Variants in TEAD4 observed in about 807,000 individuals in gnomAD.
TEAD4 encodes the protein TEA domain transcription factor 4.
A neutral mutation model predicts 52.4 loss-of-function variants in TEAD4; 36 were observed. The ratio of observed to expected loss-of-function variants is 0.69; its 90% CI spans 0.53 to 0.91. The LOEUF is 0.91. Ranked by LOEUF, TEAD4 falls within the 40% of genes least tolerant of loss-of-function variation. The probability of loss-of-function intolerance (pLI) is 0.00; values close to 1 mark genes in which losing one functional copy is unlikely to be tolerated. For missense variants in TEAD4, 508 were observed against 583.9 expected, an observed-to-expected ratio of 0.87 and a Z score of 1.34; for synonymous variants, 220 against 231.0, an observed-to-expected ratio of 0.95 and a Z score of 0.43.
intron 2 of TEAD4, among the ~76,000 whole-genome samples, chr12:2,978,365 A>G (rs915228786): frequency 6.9e-6 from 1 of 145,830 alleles, no homozygotes; most frequent in Non-Finnish European, 1.5e-5. Context: ...CCCGTTAAAC[A>G]GTAAGTGCCT....
chr12:2,977,737 G>A (rs1047128304), intron 2 of TEAD4, among the ~76,000 whole-genome samples: 2 of 152,152 alleles, frequency 1.3e-5, no homozygotes, highest in African/African-American at 2.4e-5. Flanking sequence ...AACATGTCCC[G>A]GACTTCACGT....
At chr12:3,015,727 C>T (rs988809862) in intron 5 of TEAD4, among the ~76,000 whole-genome samples, 4 of 152,226 alleles carry the variant, frequency 2.6e-5, no homozygotes, top group African/African-American at 4.8e-5. Flanking sequence ...GCTGTCACAG[C>T]TCACTGCAGC....
At chr12:3,009,355 G>A (rs1027619105) in intron 3 of TEAD4, among the ~76,000 whole-genome samples, 5 of 152,224 alleles carry the variant, frequency 3.3e-5, no homozygotes, top group South Asian at 2.1e-4. Context: ...GCTTGAACCC[G>A]GGAGGCGGAG....
intron 4 of TEAD4, among the ~76,000 whole-genome samples, chr12:3,011,291 C>T (rs1267712150): frequency 1.3e-5 from 2 of 152,004 alleles, no homozygotes; most frequent in Admixed American, 6.6e-5. Context: ...AGTACAATGA[C>T]GTGATCTCGG....
At chr12:3,034,347 G>T (rs951661081) in intron 10 of TEAD4, among the ~76,000 whole-genome samples, 6 of 152,140 alleles carry the variant, frequency 3.9e-5, no homozygotes, top group Non-Finnish European at 7.3e-5. Context: ...CCACCCGGAG[G>T]TGAGAGGGTG....
chr12:3,034,065 C>G (rs2098277743), intron 10 of TEAD4, among the ~76,000 whole-genome samples: 1 of 151,388 alleles, frequency 6.6e-6, no homozygotes, highest in Admixed American at 6.6e-5. Flanking sequence ...CATTGCTCAA[C>G]CCTAGCACTT....
chr12:2,968,398 T>TTC (rs2098222319), intron 2 of TEAD4, among the ~76,000 whole-genome samples: 2 of 121,638 alleles, frequency 1.6e-5, no homozygotes, highest in African/African-American at 6.4e-5. Flanking sequence ...TTTTTTTTTT[T>TTC]TTTTTTTTTT....
chr12:2,997,414 C>G (rs11062449), intron 3 of TEAD4, among the ~76,000 whole-genome samples: 9,486 of 152,114 alleles, frequency 0.062, 689 homozygotes, highest in Admixed American at 0.19. Context: ...GTGTGGTGTT[C>G]GGTGCTTTGC....
intron 2 of TEAD4, among the ~76,000 whole-genome samples, chr12:2,981,436 G>A (rs1378159805): frequency 1.3e-5 from 2 of 152,250 alleles, no homozygotes; most frequent in African/African-American, 2.4e-5. Flanking sequence ...AATCAGTGTA[G>A]CAGCTCAGGG....
intron 2 of TEAD4, among the ~76,000 whole-genome samples, chr12:2,987,112 A>C (rs1361605557): frequency 6.6e-6 from 1 of 152,122 alleles, no homozygotes; most frequent in Non-Finnish European, 1.5e-5. Context: ...GGAGCTCTGG[A>C]GATTGATTAG....
At chr12:3,034,120 AC>A (rs1169954182) in intron 10 of TEAD4, among the ~76,000 whole-genome samples, 4 of 151,416 alleles carry the variant, frequency 2.6e-5, no homozygotes, top group Non-Finnish European at 5.9e-5. Flanking sequence ...GAGAGCAGAA[AC>A]AATGTCTCAA....
At chr12:3,027,918 C>T (rs2098273027) in intron 10 of TEAD4, among the ~76,000 whole-genome samples, 1 of 152,158 alleles carries the variant, frequency 6.6e-6, no homozygotes, top group Non-Finnish European at 1.5e-5. Flanking sequence ...CAAAGTTGTG[C>T]AACCATCACC....
chr12:3,019,141 A>G lies in TEAD4; in HGVS notation c.554A>G (p.Tyr185Cys). The G allele has an allele frequency of 6.2e-7, 1 of 1,613,944 alleles. No homozygotes were observed. The highest frequency in any genetic ancestry group is 8.5e-7 in the Non-Finnish European group (1 of 1,179,950). ...GTGAAGCCTTTCTCTCAGCAAACCT[A>G]TGCTGTCCAGCCTCCGCTGCCTCTG... Residue 185 changes from tyrosine to cysteine, a missense_variant, in exon 8 of 13, where the codon TAT becomes TGT. By Grantham distance (194) the Tyr-to-Cys change is radical. Transcript: ENST00000359864.
At chr12:3,038,380 C>T (rs1214454611) in intron 11 of TEAD4, among the ~76,000 whole-genome samples, 3 of 152,244 alleles carry the variant, frequency 2.0e-5, no homozygotes, top group Non-Finnish European at 2.9e-5. Flanking sequence ...AGAGCCGCAG[C>T]ACAGGCAGAG....
intron 2 of TEAD4, among the ~76,000 whole-genome samples, chr12:2,969,001 A>G (rs1177846834): frequency 1.3e-5 from 2 of 150,786 alleles, no homozygotes. Context: ...GAACCTGCCC[A>G]GCATCTGGGT....
At chr12:3,016,588 T>C (rs2098264680) in intron 5 of TEAD4, among the ~76,000 whole-genome samples, 1 of 146,004 alleles carries the variant, frequency 6.8e-6, no homozygotes, top group African/African-American at 2.6e-5. Flanking sequence ...TGCGACAGAG[T>C]GAGACCCTGT....
At chr12:2,990,461 CTTTTTTTTTTT>C (rs71057876) in intron 2 of TEAD4, among the ~76,000 whole-genome samples, 10 of 67,038 alleles carry the variant, frequency 1.5e-4, no homozygotes, top group East Asian at 5.8e-4. Context: ...GACAGATAAT[CTTTTTTTTTTT>C]TTTTTTTTTT....
rs977544328 is a variant in TEAD4 at position 3,017,150 on chromosome 12, C to A, written c.355-248C>A. On this transcript the variant is annotated intron_variant, in intron 5 of 12. Coordinates refer to ENST00000359864, the MANE Select transcript of TEAD4 (RefSeq NM_003213.4). Reference sequence around the variant, plus strand: ...ATTAATAAAATGACAGATAATGTCTCTGTAAGCTCTGATGAAAGAAGCAGG... The same window carrying A: ...ATTAATAAAATGACAGATAATGTCTATGTAAGCTCTGATGAAAGAAGCAGG... The A allele has an allele frequency of 6.1e-6, 4 of 660,780 alleles. No individual in the cohort carries two copies. In the African/African-American group the frequency reaches 7.1e-5, roughly 12 times the overall value. The allele number at this position is 660,780 out of a possible 1,614,324, so 40.9% of individuals were successfully genotyped here.
chr12:2,987,577 G>C (rs1220446716), intron 2 of TEAD4, among the ~76,000 whole-genome samples: 1 of 151,702 alleles, frequency 6.6e-6, no homozygotes, highest in East Asian at 2.0e-4. Context: ...TGGGACTACA[G>C]GTGCCCGCCA....
Sources: gnomAD v4.1 joint callset for allele counts (sites outside exome capture counted in the v4.1 genomes callset) on GRCh38, gnomAD v4.1.1 for gene constraint, MANE v1.5 for transcripts, NCBI Gene and HGNC (gene_info 2026-07-23, HGNC 2026-07-21) for gene names.